The following IGHMBP2 variants were observed in gnomAD, a reference collection of about 807,000 sequenced individuals.
IGHMBP2 encodes DNA-binding protein SMUBP-2.
Under a neutral mutation model 96.0 loss-of-function variants are expected in IGHMBP2, and 81 were observed. That is an observed-to-expected ratio of 0.84 (90% CI 0.71 to 1.01). The LOEUF (loss-of-function observed/expected upper bound fraction) is 1.01, where lower values mean the gene tolerates loss of function less well. IGHMBP2 is among the 50% of genes least tolerant of loss of function. IGHMBP2 has a pLI of 0.00. For synonymous variants in IGHMBP2, 557 were observed against 548.9 expected, an observed-to-expected ratio of 1.01 and a Z score of -0.21; for missense variants, 1,227 against 1,306.3, an observed-to-expected ratio of 0.94 and a Z score of 0.94.
intron 14 of IGHMBP2, among the ~76,000 whole-genome samples, chr11:68,939,147 G>A (rs1859657528): frequency 1.3e-5 from 2 of 152,266 alleles, no homozygotes; most frequent in South Asian, 2.1e-4. Context: ...ATGTCCTGGC[G>A]AGCTGCCTGG....
At chr11:68,908,112 G>C in intron 2 of IGHMBP2, 33 bp from the exon 3 acceptor site, 1 of 1,556,690 alleles carries the variant, frequency 6.4e-7, no homozygotes, top group Non-Finnish European at 8.9e-7. Flanking sequence ...GCTTTCCCCA[G>C]TGTCTTGTGT....
At position 68,913,043 on chromosome 11, in the gene IGHMBP2, CAAAAAAAAAAAAAA is replaced by C. The variant is rs71043469; in HGVS notation, c.711+1452_711+1465del. 8.0e-5 allele frequency among the ~76,000 whole-genome samples: 3 copies of C among 37,468 alleles called. No homozygotes were observed. In the South Asian group the frequency reaches 5.3e-3, roughly 67 times the overall value. The allele number at this position is 37,468 out of a possible 152,430, so 24.6% of individuals were successfully genotyped here. On this transcript the variant is annotated intron_variant, in intron 5 of 14. Transcript: ENST00000255078. ...GGCAATAAGAGCAAAACTCCATCTC[CAAAAAAAAAAAAAA>C]AAAAAAAAAAACCAAAAAAACCACG...
rs1409138201 is a variant in IGHMBP2, at chr11:68,929,251, T to C, written c.1129T>C (p.Cys377Arg). 1.2e-6 allele frequency: 2 copies of C among 1,613,896 alleles called. No individual in the cohort carries two copies. The highest frequency in any genetic ancestry group is 1.3e-5 in the African/African-American group (1 of 75,040). ...CTTCGACGTGGTGGTCATTGACGAG[T>C]GTGCCCAGGCCCTCGAGGCGAGCTG... ...SYFDVVVIDE[C>R]AQALEASCWI... is the part of the protein sequence containing the mutation. The change falls in exon 8 of 15, where the codon TGT becomes CGT. Residue 377 changes from cysteine to arginine, a missense_variant. Transcript: ENST00000255078.
chr11:68,939,941 A>G lies in IGHMBP2; in HGVS notation c.*210A>G, dbSNP rs1484714917. 1 of 599,876 alleles carries G rather than the reference A, an allele frequency of 1.7e-6. No individual in the cohort carries two copies. Among genetic ancestry groups the G allele is most frequent in the African/African-American group, 1.9e-5 (1 of 53,732 alleles). 37.2% of individuals were successfully genotyped at this position (599,876 alleles called of 1,614,324 possible). A position where few individuals can be genotyped will look rare whatever the true frequency, so the allele number is the denominator to read the frequency against. On this transcript the variant is annotated 3_prime_UTR_variant, in exon 15 of 15. Coordinates refer to ENST00000255078, the MANE Select transcript of IGHMBP2 (RefSeq NM_002180.3). ...TGGAGGAAAGCACCTGGGGGACAAC[A>G]GTGCTCGTGCAGGTGGGGCTTGGGA... is the stretch of plus-strand genomic sequence containing the variant.
intron 4 of IGHMBP2, among the ~76,000 whole-genome samples, chr11:68,909,893 A>G (rs1252972836): frequency 1.3e-5 from 2 of 152,158 alleles, no homozygotes; most frequent in East Asian, 1.9e-4. Flanking sequence ...CGGCCTCCCA[A>G]AGTGCTGGGA....
At chr11:68,938,432 A>C in intron 14 of IGHMBP2, 78 bp downstream of exon 14, 1 of 1,356,694 alleles carries the variant, frequency 7.4e-7, no homozygotes, top group South Asian at 1.3e-5. Flanking sequence ...GACCCTGGGC[A>C]GACTTGTTCC....
Position 68,906,207 on chromosome 11 carries a change from G to A in IGHMBP2, c.225G>A (p.Ala75=), listed in dbSNP as rs762291036. The A allele has an allele frequency of 3.2e-5, 51 of 1,613,920 alleles. No individual in the cohort carries two copies. The highest frequency in any genetic ancestry group is 3.9e-5 in the Non-Finnish European group (46 of 1,179,956). The change falls in exon 2 of 15, where the codon GCG becomes GCA. Residue 75 remains alanine (A), a synonymous_variant. Coordinates refer to ENST00000255078, the MANE Select transcript of IGHMBP2 (RefSeq NM_002180.3). ...TTGAGCCCAGGCGATACGGGTCCGC[G>A]GCAGCTCTTCCCAGTAACAGCTTTA... The part of the protein sequence containing the change: ...VTFEPRRYGS[A]AALPSNSFTS...
chr11:68,908,542 T>C lies in IGHMBP2; in HGVS notation c.458T>C (p.Ile153Thr). The C allele has an allele frequency of 6.2e-7, 1 of 1,613,204 alleles. No homozygotes were observed. Among genetic ancestry groups the C allele is most frequent in the Non-Finnish European group, 8.5e-7 (1 of 1,179,162 alleles). ...GTTTTCTCCCTTGGCAGAGCCCTGA[T>C]TGCTCTAAAGAAGTATCATTCTGGC... ...VTYRRLKKALIALKKYHSGPA... is the reference protein window; with the variant it reads ...VTYRRLKKALTALKKYHSGPA... The change falls in exon 4 of 15, where the codon ATT becomes ACT. Residue 153 changes from isoleucine (I) to threonine (T), a missense_variant. By Grantham distance (89) the Ile-to-Thr change is moderately conservative. Transcript: ENST00000255078.
intron 7 of IGHMBP2, 112 bp downstream of exon 7, chr11:68,917,995 G>C (rs1330654024): frequency 1.1e-5 from 13 of 1,220,780 alleles, no homozygotes; most frequent in South Asian, 1.0e-4. Context: ...TTTCTTAAAA[G>C]TTGGGTAGGG....
In IGHMBP2 at chr11:68,908,165, G is replaced by C. The variant is rs200897747; in HGVS notation, c.277G>C (p.Asp93His). 1 of 1,613,964 alleles carries C rather than the reference G, an allele frequency of 6.2e-7. No individual in the cohort carries two copies. The highest frequency in any genetic ancestry group is 1.1e-5 in the South Asian group (1 of 91,076). Residue 93 changes from aspartate to histidine, a missense_variant, in exon 3 of 15, where the codon GAT becomes CAT. Asp to His is a moderately conservative substitution (Grantham distance 81). Transcript: ENST00000255078. ...TGCAGGTGATATCGTGGGCCTGTAC[G>C]ATGCTGCTAATGAGGGCAGTCAGCT... ...FTSGDIVGLY[D>H]AANEGSQLAT... is the part of the protein sequence containing the mutation.
Position 68,908,097 on chromosome 11 carries a change from T to C in IGHMBP2, c.257-48T>C, listed in dbSNP as rs1226317376. 9 of 1,435,992 alleles carry C rather than the reference T, an allele frequency of 6.3e-6. No homozygotes were observed. In the East Asian group the frequency reaches 2.0e-4, roughly 33 times the overall value. The allele number at this position is 1,435,992 out of a possible 1,614,324, so 89.0% of individuals were successfully genotyped here. On this transcript the variant is annotated intron_variant, in intron 2 of 14. Coordinates refer to ENST00000255078, the MANE Select transcript of IGHMBP2 (RefSeq NM_002180.3). ...GTGGATTTTATTACAGAAAATGATA[T>C]TGAAGCTTTCCCCAGTGTCTTGTGT...
intron 7 of IGHMBP2, among the ~76,000 whole-genome samples, chr11:68,925,545 G>T (rs1859034985): frequency 6.6e-6 from 1 of 152,110 alleles, no homozygotes; most frequent in Non-Finnish European, 1.5e-5. Flanking sequence ...CATTTATGGG[G>T]TCTTTTATAT....
Position 68,935,486 on chromosome 11 carries a change from A to G in IGHMBP2, c.1756+64A>G, listed in dbSNP as rs1859489922. Reference sequence around the variant, plus strand: ...GAAGTGAATTTATTGATTGAGGGGCATATTGGGTGTCTGCTGGGTGCCACA... The same window carrying G: ...GAAGTGAATTTATTGATTGAGGGGCGTATTGGGTGTCTGCTGGGTGCCACA... On this transcript the variant is annotated intron_variant, in intron 12 of 14. Transcript: ENST00000255078. 12 of 1,593,916 alleles carry G rather than the reference A, an allele frequency of 7.5e-6. No homozygotes were observed. In the South Asian group the frequency reaches 1.2e-4, roughly 16 times the overall value.
Position 68,933,386 on chromosome 11 carries a change from G to A in IGHMBP2, c.1323G>A (p.Gln441=). Residue 441 remains glutamine (Q), a synonymous_variant, in exon 9 of 15, where the codon CAG becomes CAA. Coordinates refer to ENST00000255078, the MANE Select transcript of IGHMBP2 (RefSeq NM_002180.3). ...GGGTGGTGCGGACACTGACGGTGCA[G>A]TACCGCATGCACCAGGCTATCATGC... ...GARVVRTLTV[Q]YRMHQAIMRW... 6.2e-7 allele frequency: 1 copy of A among 1,612,878 alleles called. No homozygotes were observed. Among genetic ancestry groups the A allele is most frequent in the Non-Finnish European group, 8.5e-7 (1 of 1,179,608 alleles).
intron 6 of IGHMBP2, among the ~76,000 whole-genome samples, chr11:68,915,693 A>C (rs1474233072): frequency 6.6e-6 from 1 of 150,826 alleles, no homozygotes; most frequent in Non-Finnish European, 1.5e-5. Context: ...CATGTGGGCC[A>C]GGCTGGTCTC....
chr11:68,930,499 T>A, intron 8 of IGHMBP2: 1 of 1,269,544 alleles, frequency 7.9e-7, no homozygotes, highest in South Asian at 1.3e-5. Flanking sequence ...ATGTTGGAAA[T>A]AAAGATGGTG....
chr11:68,936,495 C>A lies in IGHMBP2; in HGVS notation c.2015C>A (p.Ser672Tyr). 6.2e-7 allele frequency: 1 copy of A among 1,613,772 alleles called. No homozygotes were observed. Among genetic ancestry groups the A allele is most frequent in the Non-Finnish European group, 8.5e-7 (1 of 1,179,960 alleles). ...AATKPQGPAT[S>Y]TRTGSQRQEG... ...ACCAAGCCCCAGGGACCTGCTACGTCCACCAGGACCGGAAGCCAGCGGCAG... is the reference window on the plus strand; with the variant it reads ...ACCAAGCCCCAGGGACCTGCTACGTACACCAGGACCGGAAGCCAGCGGCAG... Residue 672 changes from serine (S) to tyrosine (Y), a missense_variant, in exon 13 of 15, where the codon TCC becomes TAC. Ser to Tyr is a moderately radical substitution (Grantham distance 144). This residue lies in a region of IGHMBP2 where 703 missense variants were observed against 770.3 expected (regional missense o/e 0.91). Transcript: ENST00000255078.
intron 7 of IGHMBP2, among the ~76,000 whole-genome samples, chr11:68,920,167 T>C (rs1242598831): frequency 6.6e-6 from 1 of 152,260 alleles, no homozygotes; most frequent in Admixed American, 6.5e-5. Context: ...ATTTGTCGTC[T>C]TGTGACTGGC....
At chr11:68,922,423 T>C (rs1419248386) in intron 7 of IGHMBP2, among the ~76,000 whole-genome samples, 3 of 151,736 alleles carry the variant, frequency 2.0e-5, no homozygotes, top group Non-Finnish European at 4.4e-5. Context: ...TGAGACAGAG[T>C]CTCACTCTGT....
Sources: allele counts gnomAD v4.1 joint callset (sites outside exome capture counted in the v4.1 genomes callset), GRCh38; gene constraint gnomAD v4.1.1; regional missense constraint gnomAD v4.1.1; transcripts MANE v1.5; gene names NCBI Gene and HGNC (gene_info 2026-07-23, HGNC 2026-07-21).